The following ERBB4 variants were observed in gnomAD, a reference collection of about 807,000 sequenced individuals.
ERBB4 encodes the protein erb-b2 receptor tyrosine kinase 4, also known as receptor tyrosine-protein kinase erbB-4.
In ERBB4, 42 loss-of-function variants were observed where a neutral mutation model predicts 158.0. The ratio of observed to expected loss-of-function variants is 0.27; its 90% CI spans 0.21 to 0.34. ERBB4 has a LOEUF of 0.34. ERBB4 is among the 10% of genes least tolerant of loss of function. The pLI is 1.00. For synonymous variants in ERBB4, 583 were observed against 558.7 expected, an observed-to-expected ratio of 1.04 and a Z score of -0.61; for missense variants, 1,333 against 1,624.1, an observed-to-expected ratio of 0.82 and a Z score of 3.08.
At chr2:212,449,608 G>T (rs990933722) in intron 1 of ERBB4, among the ~76,000 whole-genome samples, 1 of 151,706 alleles carries the variant, frequency 6.6e-6, no homozygotes, top group Non-Finnish European at 1.5e-5. Flanking sequence ...TTTTATTATT[G>T]CTTTTATTGT....
intron 27 of ERBB4, 34 bp downstream of exon 27, chr2:211,386,819 G>A (rs767004021): frequency 1.6e-5 from 25 of 1,606,898 alleles, no homozygotes; most frequent in African/African-American, 2.7e-5. Flanking sequence ...AGTGAACTTC[G>A]AATGGCGATC....
chr2:212,467,985 G>GT (rs1157498310), intron 1 of ERBB4, among the ~76,000 whole-genome samples: 1 of 152,192 alleles, frequency 6.6e-6, no homozygotes, highest in Non-Finnish European at 1.5e-5. Flanking sequence ...TTTTAAAGCT[G>GT]TAAGATTTGA....
At chr2:211,792,370 T>A (rs1016868161) in intron 3 of ERBB4, among the ~76,000 whole-genome samples, 1 of 151,620 alleles carries the variant, frequency 6.6e-6, no homozygotes, top group African/African-American at 2.4e-5. Flanking sequence ...CAGAATATCT[T>A]GAATTTAAGA....
intron 17 of ERBB4, among the ~76,000 whole-genome samples, chr2:211,625,843 A>T (rs1222062842): frequency 2.6e-5 from 4 of 152,182 alleles, no homozygotes; most frequent in Non-Finnish European, 4.4e-5. Context: ...TATACATAAA[A>T]TATACATTGT....
At chr2:211,678,300 C>CAAAA (rs66468350) in intron 13 of ERBB4, among the ~76,000 whole-genome samples, 1 of 96,578 alleles carries the variant, frequency 1.0e-5, no homozygotes, top group African/African-American at 4.0e-5. Flanking sequence ...AACAAACAAA[C>CAAAA]AAAAAAAAAC....
chr2:212,264,000 G>A lies in ERBB4; in HGVS notation c.83-139097C>T, dbSNP rs376654511. Among the ~76,000 whole-genome samples, 9 of 152,136 alleles carry A rather than the reference G, an allele frequency of 5.9e-5. No individual in the cohort carries two copies. The South Asian group carries it at 1.0e-3, about 18-fold the overall frequency. On this transcript the variant is annotated intron_variant, in intron 1 of 27. Transcript: ENST00000342788. ...TCCTATATTGCTGTGGTCATGTTGTGTACAACTTTTTCTTTGCTTACTATG... is the reference window on the plus strand; with the variant it reads ...TCCTATATTGCTGTGGTCATGTTGTATACAACTTTTTCTTTGCTTACTATG...
intron 2 of ERBB4, among the ~76,000 whole-genome samples, chr2:212,099,184 TAATA>T (rs1553557370): frequency 6.8e-5 from 9 of 131,746 alleles, no homozygotes; most frequent in Non-Finnish European, 8.4e-5. Context: ...AATAAATAAA[TAATA>T]AATAATAAAA....
chr2:212,510,034 C>T (rs1011732271), intron 1 of ERBB4, among the ~76,000 whole-genome samples: 1 of 151,286 alleles, frequency 6.6e-6, no homozygotes, highest in African/African-American at 2.4e-5. Flanking sequence ...AGATATACCA[C>T]AGCTATTTCA....
intron 8 of ERBB4, among the ~76,000 whole-genome samples, chr2:211,712,543 A>G (rs1469942463): frequency 6.6e-6 from 1 of 152,148 alleles, no homozygotes; most frequent in African/African-American, 2.4e-5. Flanking sequence ...ATCATTTTTA[A>G]TGATTTTGAA....
At chr2:211,870,196 T>C (rs576703453) in intron 3 of ERBB4, among the ~76,000 whole-genome samples, 1 of 152,194 alleles carries the variant, frequency 6.6e-6, no homozygotes, top group Admixed American at 6.5e-5. Context: ...AAACTCAATA[T>C]AGATTATTTT....
At chr2:211,671,452 A>C (rs530367601) in intron 14 of ERBB4, among the ~76,000 whole-genome samples, 16 of 152,294 alleles carry the variant, frequency 1.1e-4, no homozygotes, top group African/African-American at 3.8e-4. Context: ...AAAAAAAACT[A>C]ATCTAGAAAA....
chr2:212,333,985 T>C (rs906710635), intron 1 of ERBB4, among the ~76,000 whole-genome samples: 1 of 152,060 alleles, frequency 6.6e-6, no homozygotes, highest in African/African-American at 2.4e-5. Context: ...GGAGGCTCAA[T>C]GCAAAAATTA....
At chr2:211,543,899 T>G (rs1300948505) in intron 20 of ERBB4, among the ~76,000 whole-genome samples, 1 of 151,660 alleles carries the variant, frequency 6.6e-6, no homozygotes, top group Admixed American at 6.6e-5. Flanking sequence ...ATCTCAATGA[T>G]TGATGAAAAT....
At chr2:211,741,117 T>C (rs753844722) in intron 5 of ERBB4, among the ~76,000 whole-genome samples, 1 of 152,182 alleles carries the variant, frequency 6.6e-6, no homozygotes, top group Non-Finnish European at 1.5e-5. Context: ...ATGGCTGTCC[T>C]ATTCATCAGA....
At chr2:212,070,502 T>G (rs1489982716) in intron 2 of ERBB4, among the ~76,000 whole-genome samples, 1 of 152,200 alleles carries the variant, frequency 6.6e-6, no homozygotes, top group South Asian at 2.1e-4. Context: ...TATAAATCAA[T>G]TGAATAGATT....
At chr2:211,465,762 G>A (rs1265842159) in intron 20 of ERBB4, among the ~76,000 whole-genome samples, 2 of 152,108 alleles carry the variant, frequency 1.3e-5, no homozygotes, top group Non-Finnish European at 2.9e-5. Flanking sequence ...CCCACTACGA[G>A]AAAATTCTGA....
chr2:211,460,251 T>C (rs1177919300), intron 20 of ERBB4, among the ~76,000 whole-genome samples: 1 of 152,190 alleles, frequency 6.6e-6, no homozygotes. Flanking sequence ...CAAATGCTTT[T>C]TTTTATGATT....
intron 1 of ERBB4, among the ~76,000 whole-genome samples, chr2:212,501,650 G>A (rs1047317460): frequency 1.3e-5 from 2 of 152,240 alleles, no homozygotes; most frequent in South Asian, 2.1e-4. Context: ...ATTTGCTCCA[G>A]TCTAAGCATA....
chr2:211,405,295 C>T (rs1337073954), intron 25 of ERBB4, among the ~76,000 whole-genome samples: 4 of 152,074 alleles, frequency 2.6e-5, no homozygotes, highest in African/African-American at 2.4e-5. Context: ...GTCTTCCGTT[C>T]GTGAATTTCA....
Sources: gnomAD v4.1 joint callset for allele counts (sites outside exome capture counted in the v4.1 genomes callset) on GRCh38, gnomAD v4.1.1 for gene constraint, MANE v1.5 for transcripts, NCBI Gene and HGNC (gene_info 2026-07-23, HGNC 2026-07-21) for gene names.